The following CTRB2 variants were observed in gnomAD, a reference collection of about 807,000 sequenced individuals.
The protein encoded by CTRB2 is chymotrypsin B2.
A neutral mutation model predicts 19.3 loss-of-function variants in CTRB2; 9 were observed. That is an observed-to-expected ratio of 0.47 (90% CI 0.28 to 0.81). The LOEUF is 0.81. Among genes scored for constraint, CTRB2 ranks in the 40% least tolerant of loss-of-function variants. The pLI, the probability that CTRB2 is intolerant of heterozygous loss-of-function variation, is 0.11. For missense variants in CTRB2, 210 were observed against 269.7 expected, an observed-to-expected ratio of 0.78 and a Z score of 1.55; for synonymous variants, 98 against 117.3, an observed-to-expected ratio of 0.84 and a Z score of 1.06.
intron 6 of CTRB2, 69 bp downstream of exon 6, chr16:75,204,704 G>C (rs754305166): frequency 2.0e-5 from 31 of 1,541,790 alleles, no homozygotes; most frequent in Non-Finnish European, 2.6e-5. Flanking sequence ...AGAGCAGAGA[G>C]GGGTGGAAAG....
In CTRB2 at chr16:75,204,168, G is replaced by A. The variant is rs2038865539; in HGVS notation, c.785C>T (p.Ala262Val). 6.2e-7 allele frequency: 1 copy of A among 1,614,156 alleles called. No homozygotes were observed. Among genetic ancestry groups the A allele is most frequent in the Non-Finnish European group, 8.5e-7 (1 of 1,180,016 alleles). ...GTGGCAGGAGCTGCGGGCTCAGTTGGCGGCCAGGATCTTCTGCACCCAGGG... is the reference window on the plus strand; with the variant it reads ...GTGGCAGGAGCTGCGGGCTCAGTTGACGGCCAGGATCTTCTGCACCCAGGG... ...LIPWVQKILA[A>V]N Residue 262 changes from alanine (A) to valine (V), a missense_variant, in exon 7 of 7, where the codon GCC (alanine) becomes GTC (valine). This residue lies in a region of CTRB2 where 120 missense variants were observed against 90.8 expected (regional missense o/e 1.32). Coordinates refer to ENST00000303037, the MANE Select transcript of CTRB2 (RefSeq NM_001025200.4).
rs1419257312 is a variant in CTRB2 at position 75,204,770 on chromosome 16, C to G, written c.630+3G>C. 1 of 1,358,952 alleles carries G rather than the reference C, an allele frequency of 7.4e-7. No homozygotes were observed. Among genetic ancestry groups the G allele is most frequent in the Non-Finnish European group, 9.8e-7 (1 of 1,020,008 alleles). 84.2% of individuals were successfully genotyped at this position (1,358,952 alleles called of 1,614,324 possible). A position where few individuals can be genotyped will look rare whatever the true frequency, so the allele number is the denominator to read the frequency against. ...GCCAGGGCCTGGGCAGGGCCAGCCTCACCATGCAGGAGGAGACGCCACTGG... is the reference window on the plus strand; with the variant it reads ...GCCAGGGCCTGGGCAGGGCCAGCCTGACCATGCAGGAGGAGACGCCACTGG... On this transcript the variant is annotated splice_donor_region_variant and intron_variant, in intron 6 of 6. Coordinates refer to ENST00000303037, the MANE Select transcript of CTRB2 (RefSeq NM_001025200.4).
Position 75,204,333 on chromosome 16 carries a change from G to C in CTRB2, c.631-11C>G. ...GCCTCCAGAGTCACCCTGCAGGAAGGAGAGGAAGTATCTCTAGGCCTGAAA... is the reference window on the plus strand; with the variant it reads ...GCCTCCAGAGTCACCCTGCAGGAAGCAGAGGAAGTATCTCTAGGCCTGAAA... On this transcript the variant is annotated splice_polypyrimidine_tract_variant and intron_variant, in intron 6 of 6. Transcript: ENST00000303037. 1 of 1,613,642 alleles carries C rather than the reference G, an allele frequency of 6.2e-7. No individual in the cohort carries two copies. The highest frequency in any genetic ancestry group is 8.5e-7 in the Non-Finnish European group (1 of 1,179,856).
At chr16:75,206,528 C>T in intron 1 of CTRB2, 1 of 416,254 alleles carries the variant, frequency 2.4e-6, no homozygotes, top group Non-Finnish European at 4.3e-6. Context: ...TCCCTCCCTG[C>T]CCAGCTAAGC....
chr16:75,206,349 A>T, intron 1 of CTRB2, 156 bp from the exon 2 acceptor site: 1 of 744,808 alleles, frequency 1.3e-6, no homozygotes, highest in South Asian at 1.9e-5. Flanking sequence ...CTCTCCGCAG[A>T]GCTGGAATCC....
In CTRB2 at chr16:75,204,777, CAGG is replaced by C. The variant is rs1203656656; in HGVS notation, c.623_625del (p.Ser208del). The C allele has an allele frequency of 1.3e-5, 18 of 1,379,240 alleles. No individual in the cohort carries two copies. The highest frequency in any genetic ancestry group is 2.6e-4 in the Middle Eastern group (1 of 3,870). 85.4% of individuals were successfully genotyped at this position (1,379,240 alleles called of 1,614,324 possible). A position where few individuals can be genotyped will look rare whatever the true frequency, so the allele number is the denominator to read the frequency against. The stretch of plus-strand genomic sequence containing the variant: ...CCTGGGCAGGGCCAGCCTCACCATG[CAGG>C]AGGAGACGCCACTGGCCCCGGCACA... On this transcript the variant is annotated inframe_deletion, in exon 6 of 7. Transcript: ENST00000303037.
rs147238447 is a variant in CTRB2, at chr16:75,207,126, G to C, written c.16C>G (p.Leu6Val). 2.0e-3 allele frequency: 3,133 copies of C among 1,558,904 alleles called. 23 individuals carry two copies. Among genetic ancestry groups the C allele is most frequent in the Non-Finnish European group, 1.2e-3 (1,346 of 1,150,466 alleles). Residue 6 changes from leucine (L) to valine (V), a missense_variant, in exon 1 of 7, where the codon CTC becomes GTC. This residue lies in a region of CTRB2 where 57 missense variants were observed against 72.6 expected (regional missense o/e 0.79). Transcript: ENST00000303037. The stretch of plus-strand genomic sequence containing the variant: ...CCCAGGAGGGCCCAGCAGGAGAGGA[G>C]CCAGAGGAAAGCCATGGTGCCGCTG... MAFLWLLSCWALLGTT... is the reference protein window; with the variant it reads MAFLWVLSCWALLGTT...
intron 2 of CTRB2, 24 bp downstream of exon 2, chr16:75,206,066 C>T: frequency 6.9e-7 from 1 of 1,455,826 alleles, no homozygotes; most frequent in Admixed American, 2.1e-5. Context: ...CCAGGGTGCC[C>T]CCCACCTTGC....
chr16:75,206,383 A>T, intron 1 of CTRB2, 190 bp from the exon 2 acceptor site: 1 of 630,786 alleles, frequency 1.6e-6, no homozygotes, highest in Non-Finnish European at 2.7e-6. Context: ...AGTCCAATGA[A>T]CTGGGCTGTG....
At chr16:75,204,571 A>G (rs991008153) in intron 6 of CTRB2, among the ~76,000 whole-genome samples, 17 of 152,130 alleles carry the variant, frequency 1.1e-4, no homozygotes, top group African/African-American at 3.9e-4. Flanking sequence ...TCCAGCTCAC[A>G]GGGCTGCAAG....
intron 6 of CTRB2, 176 bp downstream of exon 6, chr16:75,204,597 A>G: frequency 7.7e-7 from 1 of 1,297,322 alleles, no homozygotes; most frequent in Non-Finnish European, 1.1e-6. Context: ...CCCCAGGGGC[A>G]GCCTCAGCTG....
At chr16:75,207,065 G>C (rs370152628) in intron 1 of CTRB2, 25 bp downstream of exon 1, 16 of 1,550,242 alleles carry the variant, frequency 1.0e-5, no homozygotes, top group Non-Finnish European at 1.4e-5. Context: ...AAAACCCTTC[G>C]GCCTCCGCAG....
chr16:75,206,402 A>C, intron 1 of CTRB2: 1 of 603,108 alleles, frequency 1.7e-6, no homozygotes, highest in Admixed American at 3.0e-5. Flanking sequence ...TGGGCTGCTG[A>C]GGAATGGGGT....
intron 6 of CTRB2, 90 bp from the exon 7 acceptor site, chr16:75,204,412 G>C: frequency 7.6e-7 from 1 of 1,311,828 alleles, no homozygotes; most frequent in Non-Finnish European, 1.1e-6. Flanking sequence ...GAGGGGTGCG[G>C]AGAAATGGTA....
intron 5 of CTRB2, 22 bp from the exon 6 acceptor site, chr16:75,204,928 A>T (rs2038876454): frequency 1.1e-6 from 1 of 887,484 alleles, no homozygotes; most frequent in African/African-American, 2.3e-5. Flanking sequence ...GAGGAGGGTC[A>T]GGGCCCCTGG....
chr16:75,204,810 ATCACGTCGGTGATCC>A lies in CTRB2; in HGVS notation c.578_592del (p.Arg193_Val197del). On this transcript the variant is annotated inframe_deletion, in exon 6 of 7. Coordinates refer to ENST00000303037, the MANE Select transcript of CTRB2 (RefSeq NM_001025200.4). Reference sequence around the variant, plus strand: ...GACGCCACTGGCCCCGGCACAGATCATCACGTCGGTGATCCTCCTGCCCCAGGACTTCTTGCATTC... The same window carrying A: ...GACGCCACTGGCCCCGGCACAGATCATCCTGCCCCAGGACTTCTTGCATTC... 7.0e-7 allele frequency: 1 copy of A among 1,429,040 alleles called. No homozygotes were observed. Among genetic ancestry groups the A allele is most frequent in the Non-Finnish European group, 9.5e-7 (1 of 1,050,878 alleles). The allele number at this position is 1,429,040 out of a possible 1,614,324, so 88.5% of individuals were successfully genotyped here. A position where few individuals can be genotyped will look rare whatever the true frequency, so the allele number is the denominator to read the frequency against.
At chr16:75,204,742 C>T (rs1262825060) in intron 6 of CTRB2, 31 bp downstream of exon 6, 1 of 1,346,368 alleles carries the variant, frequency 7.4e-7, no homozygotes, top group South Asian at 1.5e-5. Context: ...CCCCGCTCGC[C>T]TGGCCAGGGC....
rs1048663939 is a variant in CTRB2, at chr16:75,206,158, C to T, written c.88G>A (p.Gly30Ser). 1.1e-5 allele frequency: 17 copies of T among 1,552,614 alleles called. No homozygotes were observed. Among genetic ancestry groups the T allele is most frequent in the South Asian group, 5.9e-5 (5 of 84,342 alleles). Residue 30 changes from glycine to serine, a missense_variant, in exon 2 of 7, where the codon GGC becomes AGC. Transcript: ENST00000303037. Reference sequence around the variant, plus strand: ...TCCCCATTCACGATCCTGGACAGGCCGCTGAGCACAGGGTGGATGGCGGGG... The same window carrying T: ...TCCCCATTCACGATCCTGGACAGGCTGCTGAGCACAGGGTGGATGGCGGGG... ...GVPAIHPVLSGLSRIVNGEDA... is the reference protein window; with the variant it reads ...GVPAIHPVLSSLSRIVNGEDA...
Position 75,204,364 on chromosome 16 carries a change from G to A in CTRB2, c.631-42C>T, listed in dbSNP as rs201493101. On this transcript the variant is annotated intron_variant, in intron 6 of 6. Transcript: ENST00000303037. ...AAGTATCTCTAGGCCTGAAAGGGGTGCCAGGGCCTAGGGGACCCTGACCTG... is the reference window on the plus strand; with the variant it reads ...AAGTATCTCTAGGCCTGAAAGGGGTACCAGGGCCTAGGGGACCCTGACCTG... 1.4e-4 allele frequency: 230 copies of A among 1,597,972 alleles called. No individual in the cohort carries two copies. In the African/African-American group the frequency reaches 2.2e-3, roughly 15 times the overall value.
Sources: gnomAD v4.1 joint callset for allele counts (sites outside exome capture counted in the v4.1 genomes callset) on GRCh38, gnomAD v4.1.1 for gene constraint, gnomAD v4.1.1 regional missense constraint, MANE v1.5 for transcripts, NCBI Gene and HGNC (gene_info 2026-07-23, HGNC 2026-07-21) for gene names.